Variants in PHF19 observed in about 807,000 individuals in gnomAD.
PHF19 encodes PHD finger protein 19.
PHF19 carries 21 observed loss-of-function variants against 79.8 expected under a neutral mutation model. The ratio of observed to expected loss-of-function variants is 0.26; its 90% CI spans 0.19 to 0.38. PHF19 has a LOEUF of 0.38. Ranked by LOEUF, PHF19 falls within the 10% of genes least tolerant of loss-of-function variation. The pLI, the probability that PHF19 is intolerant of heterozygous loss-of-function variation, is 1.00. For missense variants in PHF19, 445 were observed against 744.2 expected (o/e 0.60, Z 4.68); for synonymous variants, 273 against 296.3 (o/e 0.92, Z 0.81).
chr9:120,884,116 T>C (rs1193900346), intron 1 of PHF19, among the ~76,000 whole-genome samples: 3 of 152,266 alleles, frequency 2.0e-5, no homozygotes, highest in Non-Finnish European at 4.4e-5. Context: ...AAAAGCTGCA[T>C]TGACTATTTG....
chr9:120,861,860 C>A, intron 12 of PHF19, 58 bp downstream of exon 12: 1 of 1,200,268 alleles, frequency 8.3e-7, no homozygotes, highest in Non-Finnish European at 1.2e-6. Flanking sequence ...GCACAGGAAG[C>A]CCTAATATGT....
At chr9:120,879,705 A>T (rs1265825575), upstream of PHF19, among the ~76,000 whole-genome samples, 1 of 152,250 alleles carries the variant, frequency 6.6e-6, no homozygotes. Context: ...CTAAATTCGA[A>T]TTGAGGAAAG....
At chr9:120,865,909 C>T in intron 8 of PHF19, 79 bp from the exon 9 acceptor site, 1 of 1,606,172 alleles carries the variant, frequency 6.2e-7, no homozygotes, top group South Asian at 1.1e-5. Context: ...TGGGTCCAGG[C>T]TGAGAGACAG....
At chr9:120,899,479 G>C, upstream of PHF19, among the ~76,000 whole-genome samples, 1 of 148,158 alleles carries the variant, frequency 6.7e-6, no homozygotes, top group Non-Finnish European at 1.5e-5. Context: ...CTGGGCGACA[G>C]AGCAAGACTC....
chr9:120,889,982 C>T (rs968772549), intron 1 of PHF19, among the ~76,000 whole-genome samples: 1 of 152,196 alleles, frequency 6.6e-6, no homozygotes, highest in African/African-American at 2.4e-5. Context: ...ATAATAATGG[C>T]ACCCACAGCT....
At chr9:120,884,517 G>A (rs2046236561) in intron 1 of PHF19, among the ~76,000 whole-genome samples, 1 of 152,186 alleles carries the variant, frequency 6.6e-6, no homozygotes, top group Non-Finnish European at 1.5e-5. Context: ...CCAGAGGAGA[G>A]CAAATAAGAA....
At chr9:120,877,969 G>A (rs1288650882), upstream of PHF19, among the ~76,000 whole-genome samples, 1 of 152,182 alleles carries the variant, frequency 6.6e-6, no homozygotes, top group East Asian at 1.9e-4. Context: ...CAACACAGAC[G>A]GGCAAGAGAC....
chr9:120,890,872 A>C (rs753142529), intron 1 of PHF19, among the ~76,000 whole-genome samples: 3 of 152,152 alleles, frequency 2.0e-5, no homozygotes, highest in Non-Finnish European at 4.4e-5. Context: ...GGTCAAGTTC[A>C]GTCTTCTTAG....
chr9:120,874,439 G>A lies in PHF19; in HGVS notation c.186+117C>T, dbSNP rs1426909787. 2.9e-6 allele frequency: 2 copies of A among 701,242 alleles called. No homozygotes were observed. Among genetic ancestry groups the A allele is most frequent in the South Asian group, 1.8e-5 (1 of 55,258 alleles). The allele number at this position is 701,242 out of a possible 1,614,324, so 43.4% of individuals were successfully genotyped here. A position where few individuals can be genotyped will look rare whatever the true frequency, so the allele number is the denominator to read the frequency against. On this transcript the variant is annotated intron_variant, in intron 2 of 14. Transcript: ENST00000373896. The surrounding 1 kb of genome is among the most constrained non-coding windows in gnomAD (Gnocchi z 4.5). ...CCCTCCCACCACCAGCTTTGGGCAT[G>A]AGGGACAAGAAGGGAATTCTCCAGC...
At chr9:120,879,272 G>A (rs575963336), upstream of PHF19, among the ~76,000 whole-genome samples, 8 of 152,232 alleles carry the variant, frequency 5.3e-5, no homozygotes, top group African/African-American at 1.7e-4. Context: ...GGACTAGAGC[G>A]GGGGGATGTG....
intron 1 of PHF19, chr9:120,876,308 G>A (rs1053894470): frequency 1.3e-5 from 2 of 152,244 alleles, no homozygotes; most frequent in Non-Finnish European, 2.9e-5. Context: ...GGCGCTGCGA[G>A]GTCCCCGCCC....
upstream of PHF19, among the ~76,000 whole-genome samples, chr9:120,878,292 G>C (rs1199402318): frequency 6.6e-6 from 1 of 152,224 alleles, no homozygotes; most frequent in Non-Finnish European, 1.5e-5. Flanking sequence ...GATGGAGTCA[G>C]TGGGCAGAGC....
rs544808118 is a variant in PHF19 at position 120,860,931 on chromosome 9, G to A, written c.1304+158C>T. The A allele has an allele frequency of 2.0e-3, 1,257 of 615,920 alleles. 4 individuals are homozygous for A. The highest frequency in any genetic ancestry group is 3.0e-3 in the South Asian group (169 of 56,498). 38.2% of individuals were successfully genotyped at this position (615,920 alleles called of 1,614,324 possible). The stretch of plus-strand genomic sequence containing the variant: ...CTGGAGAAGAGGGGAGGGCTGTGGT[G>A]CTCTGGGAACAGGGATGTTATGCTG... On this transcript the variant is annotated intron_variant, in intron 13 of 14. Coordinates refer to ENST00000373896, the MANE Select transcript of PHF19 (RefSeq NM_015651.3). The surrounding 1 kb of genome is among the most constrained non-coding windows in gnomAD (Gnocchi z 4.1).
chr9:120,885,893 T>C (rs775664996), intron 1 of PHF19, among the ~76,000 whole-genome samples: 4 of 152,224 alleles, frequency 2.6e-5, no homozygotes, highest in Non-Finnish European at 5.9e-5. Context: ...CTCTTTCAGC[T>C]TGGAGAAGCG....
At position 120,858,114 on chromosome 9, in the gene PHF19, T is replaced by C. The variant is rs769174223; in HGVS notation, c.1573A>G (p.Ile525Val). Residue 525 changes from isoleucine to valine, a missense_variant, in exon 15 of 15, where the codon ATC becomes GTC. Coordinates refer to ENST00000373896, the MANE Select transcript of PHF19 (RefSeq NM_015651.3). ...GACAGGGATGAGTCATCTTCACTGA[T>C]GCTCTCAAATGTGTGGCTGTCAATG... is the stretch of plus-strand genomic sequence containing the variant. ...EGIDSHTFES[I>V]SEDDSSLSHL... 4 of 1,614,060 alleles carry C rather than the reference T, an allele frequency of 2.5e-6. No individual in the cohort carries two copies. The Admixed American group carries it at 5.0e-5, about 20-fold the overall frequency.
chr9:120,873,533 G>T (rs1463566014), intron 3 of PHF19, among the ~76,000 whole-genome samples: 1 of 152,216 alleles, frequency 6.6e-6, no homozygotes, highest in East Asian at 1.9e-4. Flanking sequence ...CGTGGAGAAG[G>T]CTGCTTCCAT....
chr9:120,885,580 A>G (rs1308454921), intron 1 of PHF19, among the ~76,000 whole-genome samples: 4 of 13,792 alleles, frequency 2.9e-4, no homozygotes, highest in East Asian at 5.2e-3. Flanking sequence ...TCTATCTTGG[A>G]AAAAAAAAAA....
chr9:120,877,779 ATGT>A (rs2046111094), upstream of PHF19, among the ~76,000 whole-genome samples: 1 of 152,216 alleles, frequency 6.6e-6, no homozygotes. Flanking sequence ...TGCACAACGC[ATGT>A]TGTTCCGACA....
chr9:120,857,935 G>A lies in PHF19; in HGVS notation c.*9C>T, dbSNP rs765532008. The stretch of plus-strand genomic sequence containing the variant: ...GGTTTTCAGGACCCCTGGCACCCCC[G>A]GGGGCTAGTCAGTAAGGGGTGGTCC... On this transcript the variant is annotated 3_prime_UTR_variant, in exon 15 of 15. Coordinates refer to ENST00000373896, the MANE Select transcript of PHF19 (RefSeq NM_015651.3). 1.4e-5 allele frequency: 21 copies of A among 1,527,350 alleles called. 1 individual carries two copies. The highest frequency in any genetic ancestry group is 7.3e-5 in the Admixed American group (4 of 54,472). 94.6% of individuals were successfully genotyped at this position (1,527,350 alleles called of 1,614,324 possible).
Sources: gnomAD v4.1 joint callset for allele counts (sites outside exome capture counted in the v4.1 genomes callset) on GRCh38, gnomAD v4.1.1 for gene constraint, Gnocchi (gnomAD v3.1) non-coding constraint, MANE v1.5 for transcripts, NCBI Gene and HGNC (gene_info 2026-07-23, HGNC 2026-07-21) for gene names.